SPTLC2: variants seen among roughly 807,000 people sequenced by gnomAD.
The protein encoded by SPTLC2 is serine palmitoyltransferase 2.
A neutral mutation model predicts 62.0 loss-of-function variants in SPTLC2; 21 were observed. That is an observed-to-expected ratio of 0.34 (90% CI 0.24 to 0.49). The LOEUF (loss-of-function observed/expected upper bound fraction) is 0.49, where lower values mean the gene tolerates loss of function less well. Ranked by LOEUF, SPTLC2 falls within the 20% of genes least tolerant of loss-of-function variation. SPTLC2 has a pLI of 0.99. For missense variants in SPTLC2, 511 were observed against 713.0 expected (o/e 0.72, Z 3.23); for synonymous variants, 261 against 261.8 (o/e 1.00, Z 0.03).
At chr14:77,536,568 G>A (rs141235159) in intron 9 of SPTLC2, among the ~76,000 whole-genome samples, 119 of 152,188 alleles carry the variant, frequency 7.8e-4, no homozygotes, top group African/African-American at 2.7e-3. Context: ...AAAGAAACCA[G>A]TATCCATTAG....
chr14:77,556,848 T>C (rs1329456340), intron 7 of SPTLC2, among the ~76,000 whole-genome samples, 193 bp downstream of exon 7: 1 of 152,228 alleles, frequency 6.6e-6, no homozygotes, highest in Non-Finnish European at 1.5e-5. Context: ...TGTAGTATTA[T>C]GGAAAGAATA....
At chr14:77,597,147 G>T (rs367825809) in intron 2 of SPTLC2, 39 bp downstream of exon 2, 2 of 1,596,520 alleles carry the variant, frequency 1.3e-6, no homozygotes, top group African/African-American at 2.7e-5. Context: ...TTCCATAAAA[G>T]GCTTCTATTT....
intron 5 of SPTLC2, among the ~76,000 whole-genome samples, chr14:77,568,148 AATAGGTTACAT>A (rs2079656695): frequency 6.6e-6 from 1 of 152,166 alleles, no homozygotes. Flanking sequence ...AACAAACTAT[AATAGGTTACAT>A]TTCCATTTAG....
At chr14:77,593,585 A>T (rs1471755244) in intron 2 of SPTLC2, among the ~76,000 whole-genome samples, 1 of 152,226 alleles carries the variant, frequency 6.6e-6, no homozygotes, top group Non-Finnish European at 1.5e-5. Flanking sequence ...CAATGTATAT[A>T]AAATAGAACA....
chr14:77,593,118 T>C (rs929829685), intron 2 of SPTLC2, among the ~76,000 whole-genome samples: 4 of 151,320 alleles, frequency 2.6e-5, no homozygotes, highest in Middle Eastern at 3.2e-3. Flanking sequence ...AAAAAAAAAT[T>C]AAAAAAATTA....
At chr14:77,522,910 A>G (rs1179177702) in intron 9 of SPTLC2, among the ~76,000 whole-genome samples, 1 of 152,238 alleles carries the variant, frequency 6.6e-6, no homozygotes, top group Non-Finnish European at 1.5e-5. Context: ...TCAGAATACT[A>G]ACATATCCAT....
At chr14:77,540,054 G>A (rs1488757727) in intron 9 of SPTLC2, among the ~76,000 whole-genome samples, 1 of 151,986 alleles carries the variant, frequency 6.6e-6, no homozygotes, top group Non-Finnish European at 1.5e-5. Context: ...AAATGAGCCA[G>A]GTGTGGTGAC....
intron 9 of SPTLC2, among the ~76,000 whole-genome samples, chr14:77,531,449 C>T (rs10145026): frequency 0.032 from 3,409 of 105,998 alleles, 41 homozygotes; most frequent in African/African-American, 0.079. Context: ...TTCTTCTCCT[C>T]CTTCTCCTCC....
intron 9 of SPTLC2, among the ~76,000 whole-genome samples, chr14:77,539,473 T>C (rs930822851): frequency 2.7e-5 from 4 of 148,054 alleles, no homozygotes; most frequent in Non-Finnish European, 5.9e-5. Flanking sequence ...GAAAATTTTA[T>C]CTTAAGAGGC....
At chr14:77,590,915 G>A (rs760375541) in intron 2 of SPTLC2, among the ~76,000 whole-genome samples, 2 of 152,054 alleles carry the variant, frequency 1.3e-5, no homozygotes, top group Non-Finnish European at 2.9e-5. Flanking sequence ...ATGAAAAACA[G>A]GGAAAACAGG....
intron 9 of SPTLC2, among the ~76,000 whole-genome samples, chr14:77,529,893 T>C (rs1485767185): frequency 6.6e-6 from 1 of 152,062 alleles, no homozygotes; most frequent in Non-Finnish European, 1.5e-5. Context: ...AAGCAATTTC[T>C]AAGCAGGGGA....
chr14:77,521,369 C>T (rs2079384001), intron 10 of SPTLC2, 77 bp downstream of exon 10: 2 of 1,590,026 alleles, frequency 1.3e-6, no homozygotes, highest in Admixed American at 3.3e-5. Flanking sequence ...TTTTCCCTAA[C>T]AAAATACATA....
At chr14:77,513,043 T>TTTTTTTA (rs66611905) in intron 11 of SPTLC2, among the ~76,000 whole-genome samples, 4 of 139,168 alleles carry the variant, frequency 2.9e-5, no homozygotes, top group African/African-American at 1.1e-4. Context: ...TTTTTTTTTT[T>TTTTTTTA]GAGACAGAGT....
intron 1 of SPTLC2, among the ~76,000 whole-genome samples, chr14:77,598,922 A>G (rs1341238010): frequency 6.2e-5 from 3 of 48,428 alleles, no homozygotes; most frequent in African/African-American, 1.9e-4. Flanking sequence ...GTGATACAGA[A>G]AAAAAAAAAA....
chr14:77,611,839 C>T (rs2079940005), intron 1 of SPTLC2, among the ~76,000 whole-genome samples: 1 of 146,914 alleles, frequency 6.8e-6, no homozygotes, highest in South Asian at 2.1e-4. Context: ...AAAAAAAAAA[C>T]CTAACGCAGA....
chr14:77,525,551 T>C (rs757011108), intron 9 of SPTLC2, among the ~76,000 whole-genome samples: 9 of 150,532 alleles, frequency 6.0e-5, no homozygotes, highest in Non-Finnish European at 1.3e-4. Flanking sequence ...ACTGCGCCAT[T>C]GCACTCTGCC....
intron 9 of SPTLC2, among the ~76,000 whole-genome samples, chr14:77,543,886 T>C (rs955770179): frequency 3.3e-5 from 5 of 152,166 alleles, no homozygotes; most frequent in African/African-American, 1.2e-4. Flanking sequence ...CAAATGCCTG[T>C]CTTACAAGCC....
In SPTLC2 at chr14:77,512,389, T is replaced by C; in HGVS notation, c.1584A>G (p.Ile528Met). Residue 528 changes from isoleucine (I) to methionine (M), a missense_variant, in exon 12 of 12, where the codon ATA becomes ATG. Transcript: ENST00000216484. ...GCTGCAATAGGTCCCCAACTTCATC[T>C]ATCTCCTTTAAAGCCTAAAATACAC... ...KEILDTALKEIDEVGDLLQLK... is the reference protein window; with the variant it reads ...KEILDTALKEMDEVGDLLQLK... 3 of 1,614,238 alleles carry C rather than the reference T, an allele frequency of 1.9e-6. No individual in the cohort carries two copies. Among genetic ancestry groups the C allele is most frequent in the Non-Finnish European group, 2.5e-6 (3 of 1,180,048 alleles).
At chr14:77,590,898 T>C (rs1398586497) in intron 2 of SPTLC2, among the ~76,000 whole-genome samples, 2 of 152,092 alleles carry the variant, frequency 1.3e-5, no homozygotes, top group Non-Finnish European at 2.9e-5. Flanking sequence ...GGAAAAGCTT[T>C]CCTGGCATGA....
Sources: allele counts gnomAD v4.1 joint callset (sites outside exome capture counted in the v4.1 genomes callset), GRCh38; gene constraint gnomAD v4.1.1; transcripts MANE v1.5; gene names NCBI Gene and HGNC (gene_info 2026-07-23, HGNC 2026-07-21).